Variants in RALGAPA2 observed in about 807,000 individuals in gnomAD.
RALGAPA2 encodes the protein ral GTPase-activating protein subunit alpha-2.
RALGAPA2 carries 139 observed loss-of-function variants against 230.4 expected under a neutral mutation model. The observed-to-expected ratio is 0.60, with a 90% CI of 0.53 to 0.69. RALGAPA2 has a LOEUF of 0.69. Among genes scored for constraint, RALGAPA2 ranks in the 30% least tolerant of loss-of-function variants. The pLI is 0.00. For missense variants in RALGAPA2, 2,163 were observed against 2,276.0 expected, an observed-to-expected ratio of 0.95 and a Z score of 1.01; for synonymous variants, 847 against 837.8, an observed-to-expected ratio of 1.01 and a Z score of -0.19.
intron 3 of RALGAPA2, among the ~76,000 whole-genome samples, chr20:20,672,454 A>G (rs1350266309): frequency 6.6e-6 from 1 of 152,250 alleles, no homozygotes; most frequent in Non-Finnish European, 1.5e-5. Context: ...GGATCAAGAG[A>G]CAATCGAAAG....
chr20:20,589,644 A>G (rs2036028711), intron 17 of RALGAPA2, among the ~76,000 whole-genome samples: 1 of 152,110 alleles, frequency 6.6e-6, no homozygotes, highest in Non-Finnish European at 1.5e-5. Flanking sequence ...GGGGAGGGCA[A>G]CAAAACCCTT....
rs191122094 is a variant in RALGAPA2, at chr20:20,398,803, A to C, written c.5618-2069T>G. On this transcript the variant is annotated intron_variant, in intron 38 of 39. Coordinates refer to ENST00000202677, the MANE Select transcript of RALGAPA2 (RefSeq NM_020343.4). This position sits in a 1 kb window ranked among gnomAD's most constrained non-coding sequence, Gnocchi z 4.5. ...CAGGTACTGTTTTAGGCTCTGGGTT[A>C]CAGTGGTGACCAAAGCAGATGAAAC... Among the ~76,000 whole-genome samples, 20 of 152,326 alleles carry C rather than the reference A, an allele frequency of 1.3e-4. No homozygotes were observed. The East Asian group carries it at 2.3e-3, about 18-fold the overall frequency.
intron 1 of RALGAPA2, among the ~76,000 whole-genome samples, chr20:20,705,996 T>A (rs1231513274): frequency 6.6e-6 from 1 of 152,322 alleles, no homozygotes; most frequent in South Asian, 2.1e-4. Context: ...AAATTCTCTA[T>A]AGTTTTATAT....
intron 3 of RALGAPA2, among the ~76,000 whole-genome samples, chr20:20,666,685 C>T (rs1215351587): frequency 6.6e-6 from 1 of 152,152 alleles, no homozygotes; most frequent in Non-Finnish European, 1.5e-5. Context: ...GATTCTGCCA[C>T]CTTGCTATGT....
intron 37 of RALGAPA2, among the ~76,000 whole-genome samples, chr20:20,441,045 A>C (rs528156679): frequency 6.6e-6 from 1 of 152,368 alleles, no homozygotes; most frequent in African/African-American, 2.4e-5. Context: ...TTAGTGGCCA[A>C]ATGCTTCTTC....
chr20:20,674,211 ATAATAG>A (rs913289543), intron 3 of RALGAPA2, among the ~76,000 whole-genome samples: 1 of 150,298 alleles, frequency 6.7e-6, no homozygotes, highest in African/African-American at 2.4e-5. Context: ...AATAATAATA[ATAATAG>A]TAATAGTAAT....
intron 10 of RALGAPA2, 97 bp downstream of exon 10, chr20:20,629,266 C>T (rs1447819899): frequency 1.2e-5 from 11 of 953,348 alleles, no homozygotes; most frequent in Admixed American, 4.1e-5. Flanking sequence ...TATTTGTTGG[C>T]GTGTTACAAG....
intron 3 of RALGAPA2, among the ~76,000 whole-genome samples, chr20:20,657,059 TG>T (rs1266694358): frequency 6.6e-6 from 1 of 152,176 alleles, no homozygotes; most frequent in African/African-American, 2.4e-5. Context: ...TTGGTATCTT[TG>T]ATAAAAAATT....
rs190417833 is a variant in RALGAPA2 at position 20,635,524 on chromosome 20, C to G, written c.899G>C (p.Arg300Pro). ...YSTKIPYMAA[R>P]VVFIKWIVTF... is the part of the protein sequence containing the mutation. ...TACAATCCACTTAATAAAAACAACA[C>G]GAGCTGCCATATATGGAATCTTTGT... Residue 300 changes from arginine (R) to proline (P), a missense_variant, in exon 9 of 40, where the codon CGT (arginine) becomes CCT (proline). Physicochemically the swap from Arg to Pro is moderately radical, Grantham distance 103. Coordinates refer to ENST00000202677, the MANE Select transcript of RALGAPA2 (RefSeq NM_020343.4). The G allele has an allele frequency of 4.4e-6, 7 of 1,592,800 alleles. No homozygotes were observed. The highest frequency in any genetic ancestry group is 6.0e-6 in the Non-Finnish European group (7 of 1,170,946).
chr20:20,394,386 A>T (rs899837242), intron 39 of RALGAPA2, among the ~76,000 whole-genome samples: 1 of 152,118 alleles, frequency 6.6e-6, no homozygotes, highest in Non-Finnish European at 1.5e-5. Context: ...TCATCTTTAA[A>T]ACAGGCTGCA....
chr20:20,518,777 C>T (rs2145423087), intron 31 of RALGAPA2, among the ~76,000 whole-genome samples: 1 of 152,040 alleles, frequency 6.6e-6, no homozygotes, highest in East Asian at 1.9e-4. Flanking sequence ...AAATGGTGAA[C>T]CTATTTTAGG....
intron 16 of RALGAPA2, among the ~76,000 whole-genome samples, chr20:20,600,564 C>A (rs565176497): frequency 2.0e-5 from 3 of 152,324 alleles, no homozygotes; most frequent in South Asian, 4.1e-4. Context: ...AAAACTCCAA[C>A]AGGATTCTAA....
chr20:20,649,152 C>T (rs918618410), intron 4 of RALGAPA2, among the ~76,000 whole-genome samples: 1 of 152,138 alleles, frequency 6.6e-6, no homozygotes, highest in African/African-American at 2.4e-5. Context: ...AACATGGAGG[C>T]AGGTGGGGTC....
At chr20:20,597,388 A>C (rs961914650) in intron 16 of RALGAPA2, among the ~76,000 whole-genome samples, 3 of 152,202 alleles carry the variant, frequency 2.0e-5, no homozygotes, top group African/African-American at 7.2e-5. Context: ...TTTAATAGTT[A>C]CTGGAGAAAA....
At chr20:20,472,696 A>C (rs919049434) in intron 37 of RALGAPA2, 133 bp downstream of exon 37, 1 of 885,312 alleles carries the variant, frequency 1.1e-6, no homozygotes, top group East Asian at 3.0e-5. Flanking sequence ...CCACTATGTT[A>C]TTTTTAACAG....
At chr20:20,649,064 CCT>C (rs2067310047) in intron 4 of RALGAPA2, among the ~76,000 whole-genome samples, 1 of 152,082 alleles carries the variant, frequency 6.6e-6, no homozygotes, top group Non-Finnish European at 1.5e-5. Context: ...GTAAAAGCAC[CCT>C]GAGAGGGCAT....
intron 23 of RALGAPA2, among the ~76,000 whole-genome samples, chr20:20,562,919 TAA>T (rs1452158008): frequency 6.6e-6 from 1 of 152,236 alleles, no homozygotes; most frequent in Non-Finnish European, 1.5e-5. Flanking sequence ...GATAGCTGAA[TAA>T]AGTTATAATA....
chr20:20,626,337 T>C (rs1229712169), intron 10 of RALGAPA2, among the ~76,000 whole-genome samples: 3 of 152,354 alleles, frequency 2.0e-5, no homozygotes, highest in Admixed American at 1.3e-4. Flanking sequence ...ACATAATACT[T>C]AGATTTTAAA....
At chr20:20,589,952 A>C (rs2065238995) in intron 17 of RALGAPA2, among the ~76,000 whole-genome samples, 1 of 151,744 alleles carries the variant, frequency 6.6e-6, no homozygotes, top group Admixed American at 6.6e-5. Context: ...GGAAAATCTA[A>C]ATAGTCCTAT....
Sources: allele counts gnomAD v4.1 joint callset (sites outside exome capture counted in the v4.1 genomes callset), GRCh38; gene constraint gnomAD v4.1.1; non-coding constraint Gnocchi (gnomAD v3.1); transcripts MANE v1.5; gene names NCBI Gene and HGNC (gene_info 2026-07-23, HGNC 2026-07-21).